SHANK2: variants seen among roughly 807,000 people sequenced by gnomAD.
The protein encoded by SHANK2 is SH3 and multiple ankyrin repeat domains protein 2.
Under a neutral mutation model 133.7 loss-of-function variants are expected in SHANK2, and 43 were observed. The ratio of observed to expected loss-of-function variants is 0.32; its 90% confidence interval spans 0.25 to 0.41. The LOEUF is 0.41. Among genes scored for constraint, SHANK2 ranks in the 10% least tolerant of loss-of-function variants. SHANK2 has a pLI of 1.00. For missense variants in SHANK2, 1,994 were observed against 2,235.8 expected (o/e 0.89, Z 2.18); for synonymous variants, 1,017 against 952.8 (o/e 1.07, Z -1.24).
intron 11 of SHANK2, among the ~76,000 whole-genome samples, chr11:70,838,648 T>C (rs1373426027): frequency 6.6e-6 from 1 of 152,102 alleles, no homozygotes; most frequent in Non-Finnish European, 1.5e-5. Context: ...CTATACTCTA[T>C]CTCTCCTGTG....
intron 17 of SHANK2, among the ~76,000 whole-genome samples, chr11:70,572,173 G>A (rs540004161): frequency 1.3e-5 from 2 of 152,334 alleles, no homozygotes; most frequent in Admixed American, 1.3e-4. Context: ...CCCCTGTTGG[G>A]TTTTGAGACG....
chr11:70,545,144 C>T lies in SHANK2; in HGVS notation c.2062-42213G>A, dbSNP rs570649683. 1.2e-4 allele frequency among the ~76,000 whole-genome samples: 18 copies of T among 152,336 alleles called. 1 individual carries two copies. The highest frequency in any genetic ancestry group is 2.6e-4 in the Admixed American group (4 of 15,310). ...TCCCCGATCACCACCCCAGTCCTGCCGTGGGCGTCTCTTTTTGTCTGAGAA... is the reference window on the plus strand; with the variant it reads ...TCCCCGATCACCACCCCAGTCCTGCTGTGGGCGTCTCTTTTTGTCTGAGAA... On this transcript the variant is annotated intron_variant, in intron 17 of 25. Transcript: ENST00000601538.
chr11:70,835,166 G>C (rs1357105221), intron 11 of SHANK2, among the ~76,000 whole-genome samples: 2 of 152,214 alleles, frequency 1.3e-5, no homozygotes, highest in Non-Finnish European at 2.9e-5. Context: ...CACAGCCCCA[G>C]TGCACAGGAC....
chr11:70,939,776 C>G (rs79354775), intron 10 of SHANK2, among the ~76,000 whole-genome samples: 2,324 of 152,218 alleles, frequency 0.015, 27 homozygotes, highest in Non-Finnish European at 0.023. Flanking sequence ...AGAACAACGG[C>G]CTAGAAGAGA....
chr11:70,924,396 T>G (rs1950397618), intron 10 of SHANK2, among the ~76,000 whole-genome samples: 1 of 152,122 alleles, frequency 6.6e-6, no homozygotes, highest in Non-Finnish European at 1.5e-5. Flanking sequence ...CCAGGGGCTC[T>G]GTCCAACAGC....
chr11:70,807,060 C>T lies in SHANK2; in HGVS notation c.1605G>A (p.Lys535=). 1 of 718,038 alleles carries T rather than the reference C, an allele frequency of 1.4e-6. No individual in the cohort carries two copies. Among genetic ancestry groups the T allele is most frequent in the Non-Finnish European group, 2.6e-6 (1 of 385,018 alleles). 44.5% of individuals were successfully genotyped at this position (718,038 alleles called of 1,614,324 possible). A position where few individuals can be genotyped will look rare whatever the true frequency, so the allele number is the denominator to read the frequency against. ...AVPGRLFVAV[K]PYQPQVDGEI... is the part of the protein sequence containing the mutation. ...CGCCGTCCACTTGGGGTTGGTATGG[C>T]TTGACAGCGACGAAGAGCCTCCCGG... The change falls in exon 13 of 26, where the codon AAG becomes AAA. Residue 535 remains lysine (K), a synonymous_variant. Transcript: ENST00000601538. This position sits in a 1 kb window ranked among gnomAD's most constrained non-coding sequence, Gnocchi z 4.8.
intron 14 of SHANK2, 43 bp downstream of exon 14, chr11:70,798,400 G>A: frequency 1.4e-6 from 1 of 715,434 alleles, no homozygotes; most frequent in Non-Finnish European, 2.6e-6. Context: ...CCTGAGATAG[G>A]CCTGCAGGAT....
At chr11:70,922,019 T>A (rs1555080771) in intron 10 of SHANK2, among the ~76,000 whole-genome samples, 2 of 152,106 alleles carry the variant, frequency 1.3e-5, no homozygotes, top group African/African-American at 2.4e-5. Flanking sequence ...ATTAGTATGA[T>A]CAAGAAGGTA....
chr11:70,586,400 A>C (rs575386573), intron 17 of SHANK2, among the ~76,000 whole-genome samples: 1 of 152,142 alleles, frequency 6.6e-6, no homozygotes, highest in South Asian at 2.1e-4. Context: ...GGTGCGAATG[A>C]GGGAGGTTCT....
At chr11:71,239,097 C>T (rs1169209819) in intron 1 of SHANK2, among the ~76,000 whole-genome samples, 1 of 152,234 alleles carries the variant, frequency 6.6e-6, no homozygotes, top group East Asian at 1.9e-4. Context: ...CAACAGATGA[C>T]CGGGAGGGGC....
intron 3 of SHANK2, among the ~76,000 whole-genome samples, chr11:71,131,504 AGCGGTGG>A (rs1952307118): frequency 6.6e-6 from 1 of 152,200 alleles, no homozygotes; most frequent in South Asian, 2.1e-4. Context: ...GCTGTGGCGA[AGCGGTGG>A]GCAGACTGTA....
At chr11:70,810,410 G>A (rs1482142864) in intron 12 of SHANK2, among the ~76,000 whole-genome samples, 9 of 152,212 alleles carry the variant, frequency 5.9e-5, no homozygotes, top group African/African-American at 1.4e-4. Context: ...AGCGTCTCAC[G>A]GCTGTCTCCT....
chr11:70,689,565 C>T (rs1945230493), intron 15 of SHANK2, among the ~76,000 whole-genome samples: 1 of 152,138 alleles, frequency 6.6e-6, no homozygotes, highest in Non-Finnish European at 1.5e-5. Flanking sequence ...TAAAGGGTCG[C>T]TACCTACAGT....
chr11:70,469,026 G>A lies in SHANK2; in HGVS notation c.*3843C>T, dbSNP rs2058566241. On this transcript the variant is annotated 3_prime_UTR_variant, in exon 26 of 26. Transcript: ENST00000601538. ...AGTTCTGCCACTCCCTTGGCCTTAT[G>A]GCTAGAAGACACCCTGCTGGGGTGT... The A allele has an allele frequency of 6.6e-6, 1 of 152,208 alleles. No individual in the cohort carries two copies. The highest frequency in any genetic ancestry group is 2.4e-5 in the African/African-American group (1 of 41,446). 9.4% of individuals were successfully genotyped at this position (152,208 alleles called of 1,614,324 possible).
At position 70,487,618 on chromosome 11, in the gene SHANK2, T is replaced by G. The variant is rs782493273; in HGVS notation, c.2675A>C (p.Gln892Pro). ...DTSEDIPPPP[Q>P]SVPPSPPPPS... Reference sequence around the variant, plus strand: ...TGGTGGTGGGGACGGGGGCACAGACTGCGGTGGAGGGGGGATGTCCTCAGA... The same window carrying G: ...TGGTGGTGGGGACGGGGGCACAGACGGCGGTGGAGGGGGGATGTCCTCAGA... Residue 892 changes from glutamine (Q) to proline (P), a missense_variant, in exon 25 of 26, where the codon CAG (glutamine) becomes CCG (proline). Physicochemically the swap from Gln to Pro is moderately conservative, Grantham distance 76. Transcript: ENST00000601538. This position sits in a 1 kb window ranked among gnomAD's most constrained non-coding sequence, Gnocchi z 5.8. 1 of 1,607,350 alleles carries G rather than the reference T, an allele frequency of 6.2e-7. No individual in the cohort carries two copies. Among genetic ancestry groups the G allele is most frequent in the East Asian group, 2.2e-5 (1 of 44,620 alleles).
intron 10 of SHANK2, among the ~76,000 whole-genome samples, chr11:70,913,106 C>T (rs1331890661): frequency 1.3e-5 from 2 of 151,502 alleles, no homozygotes; most frequent in East Asian, 3.9e-4. Flanking sequence ...AAAAACCTAC[C>T]CTCCCATCCT....
At chr11:71,076,050 G>A (rs1325110376) in intron 8 of SHANK2, among the ~76,000 whole-genome samples, 4 of 152,146 alleles carry the variant, frequency 2.6e-5, no homozygotes, top group African/African-American at 9.7e-5. Flanking sequence ...AACACCACAG[G>A]GCCTCACACG....
At chr11:71,173,679 A>G (rs1353046943) in intron 2 of SHANK2, among the ~76,000 whole-genome samples, 1 of 152,242 alleles carries the variant, frequency 6.6e-6, no homozygotes, top group African/African-American at 2.4e-5. Flanking sequence ...TCTTCACCCA[A>G]ATCTCAGAAT....
At chr11:71,088,364 C>T (rs1165745194) in intron 8 of SHANK2, among the ~76,000 whole-genome samples, 1 of 152,198 alleles carries the variant, frequency 6.6e-6, no homozygotes, top group Non-Finnish European at 1.5e-5. Context: ...TTCTGGAGAA[C>T]TCATCACACC....
Sources: gnomAD v4.1 joint callset for allele counts (sites outside exome capture counted in the v4.1 genomes callset) on GRCh38, gnomAD v4.1.1 for gene constraint, Gnocchi (gnomAD v3.1) non-coding constraint, MANE v1.5 for transcripts, NCBI Gene and HGNC (gene_info 2026-07-23, HGNC 2026-07-21) for gene names.